The following CELF2 variants were observed in gnomAD, a reference collection of about 807,000 sequenced individuals.
CELF2 encodes the protein CUGBP Elav-like family member 2.
A neutral mutation model predicts 62.6 loss-of-function variants in CELF2; 8 were observed. That is an observed-to-expected ratio of 0.13 (90% CI 0.07 to 0.23). The LOEUF (loss-of-function observed/expected upper bound fraction) is 0.23. CELF2 is among the 10% of genes least tolerant of loss of function. The pLI is 1.00. For synonymous variants in CELF2, 258 were observed against 250.0 expected, an observed-to-expected ratio of 1.03 and a Z score of -0.30; for missense variants, 333 against 671.0, an observed-to-expected ratio of 0.50 and a Z score of 5.56.
intron 2 of CELF2, among the ~76,000 whole-genome samples, chr10:11,176,377 G>C (rs1460218734): frequency 6.6e-6 from 1 of 152,168 alleles, no homozygotes; most frequent in Non-Finnish European, 1.5e-5. Context: ...CCTTGTAATG[G>C]TGTTTGGTGT....
At position 10,997,653 on chromosome 10, in the gene CELF2, C is replaced by T. The variant is rs562784823; in HGVS notation, c.89+77654C>T. On this transcript the variant is annotated intron_variant, in intron 2 of 13. Transcript: ENST00000636488. The surrounding 1 kb of genome is among the most constrained non-coding windows in gnomAD (Gnocchi z 5.3). ...AGGGAGTTGCTTGTGCCTTTGCTTC[C>T]TCTAAAAATAGCAAGAATAAATTCG... Among the ~76,000 whole-genome samples the T allele has an allele frequency of 6.6e-6, 1 of 152,284 alleles. No homozygotes were observed. The highest frequency in any genetic ancestry group is 2.1e-4 in the South Asian group (1 of 4,824).
chr10:11,153,395 G>A (rs968004662), intron 1 of CELF2, among the ~76,000 whole-genome samples: 1 of 152,012 alleles, frequency 6.6e-6, no homozygotes, highest in African/African-American at 2.4e-5. Context: ...GCTGACTGTT[G>A]TGTCTCCATG....
chr10:11,228,212 T>C (rs2067271064), intron 3 of CELF2, among the ~76,000 whole-genome samples: 1 of 152,220 alleles, frequency 6.6e-6, no homozygotes, highest in Non-Finnish European at 1.5e-5. Context: ...ATTCAAGTAA[T>C]TTTAATGAAA....
intron 1 of CELF2, among the ~76,000 whole-genome samples, chr10:10,799,312 T>A: frequency 8.5e-6 from 1 of 117,526 alleles, no homozygotes; most frequent in East Asian, 2.0e-4. Context: ...AAACCACCCC[T>A]GTCTCTACTA....
At position 11,266,694 on chromosome 10, in the gene CELF2, CCTTT is replaced by C; in HGVS notation, c.618+22_618+25del. 1 of 1,605,026 alleles carries C rather than the reference CCTTT, an allele frequency of 6.2e-7. No individual in the cohort carries two copies. The highest frequency in any genetic ancestry group is 8.5e-7 in the Non-Finnish European group (1 of 1,172,762). ...ACCATGGAGGTACTGTATCATCTGC[CCTTT>C]CTTTGTTTTCTTTGTGCAAATGATG... On this transcript the variant is annotated intron_variant, in intron 6 of 12. Coordinates refer to ENST00000633077, the MANE Select transcript of CELF2 (RefSeq NM_001326342.2).
intron 1 of CELF2, among the ~76,000 whole-genome samples, chr10:10,881,785 A>T (rs1156720620): frequency 2.0e-5 from 3 of 152,142 alleles, no homozygotes; most frequent in African/African-American, 7.2e-5. Context: ...GCAAGTTGTT[A>T]TGCATATGCC....
chr10:10,807,499 AT>A (rs769471020), intron 1 of CELF2, among the ~76,000 whole-genome samples: 70 of 151,822 alleles, frequency 4.6e-4, no homozygotes, highest in African/African-American at 1.2e-3. Flanking sequence ...AGGGAGACAG[AT>A]TTTTTTTTGC....
At chr10:10,801,092 G>T (rs1402145374) in intron 1 of CELF2, among the ~76,000 whole-genome samples, 1 of 151,842 alleles carries the variant, frequency 6.6e-6, no homozygotes, top group East Asian at 1.9e-4. Flanking sequence ...AAAACAGTGA[G>T]AATGTTGTTT....
At chr10:11,152,203 A>G (rs1026375318) in intron 1 of CELF2, among the ~76,000 whole-genome samples, 1 of 152,190 alleles carries the variant, frequency 6.6e-6, no homozygotes, top group African/African-American at 2.4e-5. Flanking sequence ...CATGCCCCAC[A>G]AAAACATATT....
At chr10:11,327,634 A>C (rs1281686029) in intron 12 of CELF2, among the ~76,000 whole-genome samples, 1 of 152,198 alleles carries the variant, frequency 6.6e-6, no homozygotes, top group African/African-American at 2.4e-5. Context: ...CTGTTCCTTG[A>C]TAAAGACCCA....
intron 2 of CELF2, among the ~76,000 whole-genome samples, chr10:10,998,274 G>A (rs538990971): frequency 6.6e-6 from 1 of 152,300 alleles, no homozygotes; most frequent in South Asian, 2.1e-4. Context: ...AGAGTCTTTA[G>A]TGTGAAATGC....
intron 2 of CELF2, among the ~76,000 whole-genome samples, chr10:10,981,615 G>C (rs1389860635): frequency 6.6e-6 from 1 of 152,194 alleles, no homozygotes; most frequent in African/African-American, 2.4e-5. Flanking sequence ...ATTTCCAACA[G>C]TGTTTGCCAT....
At chr10:10,482,082 G>A in the CELF2 span, among the ~76,000 whole-genome samples, 7 of 152,126 alleles carry the variant, frequency 4.6e-5, no homozygotes, top group Non-Finnish European at 1.5e-5. Flanking sequence ...ATATTGATTT[G>A]CACATACACT....
chr10:10,847,791 G>A (rs574425667), intron 1 of CELF2, among the ~76,000 whole-genome samples: 15 of 152,174 alleles, frequency 9.9e-5, no homozygotes, highest in South Asian at 2.1e-4. Flanking sequence ...AGGCTTAGCC[G>A]TGGTTTTAGT....
chr10:11,254,608 A>G (rs1199815581), intron 4 of CELF2, among the ~76,000 whole-genome samples: 1 of 152,208 alleles, frequency 6.6e-6, no homozygotes, highest in African/African-American at 2.4e-5. Flanking sequence ...TGGTTAATTT[A>G]CTATGGCATC....
chr10:11,268,137 G>T lies in CELF2; in HGVS notation c.618+1460G>T, dbSNP rs572030674. Among the ~76,000 whole-genome samples the T allele has an allele frequency of 6.6e-6, 1 of 151,964 alleles. No individual in the cohort carries two copies. Among genetic ancestry groups the T allele is most frequent in the Non-Finnish European group, 1.5e-5 (1 of 67,990 alleles). On this transcript the variant is annotated intron_variant, in intron 6 of 12. Coordinates refer to ENST00000633077, the MANE Select transcript of CELF2 (RefSeq NM_001326342.2). The surrounding 1 kb of genome is among the most constrained non-coding windows in gnomAD (Gnocchi z 4.7). ...CTTCCCTCTTTCTCTTACTGAGGCC[G>T]CTCCATTCCTGTGGATTAGCCTGAT...
At chr10:11,128,616 G>A (rs1196764367) in intron 1 of CELF2, among the ~76,000 whole-genome samples, 2 of 152,106 alleles carry the variant, frequency 1.3e-5, no homozygotes, top group Non-Finnish European at 2.9e-5. Context: ...TGGATTCTTA[G>A]GTATTTTATT....
the CELF2 span, among the ~76,000 whole-genome samples, chr10:10,504,951 A>G: frequency 6.6e-6 from 1 of 151,796 alleles, no homozygotes; most frequent in Non-Finnish European, 1.5e-5. Context: ...GTATGTTTGT[A>G]ATTGCTTGTT....
chr10:11,025,901 C>T (rs901059141), intron 1 of CELF2, among the ~76,000 whole-genome samples: 13 of 152,254 alleles, frequency 8.5e-5, no homozygotes, highest in African/African-American at 3.1e-4. Flanking sequence ...GACAACCTCA[C>T]TCTGGCAGTT....
Sources: allele counts gnomAD v4.1 joint callset (sites outside exome capture counted in the v4.1 genomes callset), GRCh38; gene constraint gnomAD v4.1.1; non-coding constraint Gnocchi (gnomAD v3.1); transcripts MANE v1.5; gene names NCBI Gene and HGNC (gene_info 2026-07-23, HGNC 2026-07-21).